The following TINAG variants were observed in gnomAD, a reference collection of about 807,000 sequenced individuals.
TINAG encodes the protein tubulointerstitial nephritis antigen.
In TINAG, 83 loss-of-function variants were observed where a neutral mutation model predicts 72.7. The observed-to-expected ratio is 1.14, with a 90% confidence interval of 0.96 to 1.37. The LOEUF is 1.37. Ranked by LOEUF, TINAG falls within the 40% of genes most tolerant of loss-of-function variation. The probability of loss-of-function intolerance (pLI) is 0.00; values close to 1 mark genes in which losing one functional copy is unlikely to be tolerated. For synonymous variants in TINAG, 234 were observed against 189.9 expected (o/e 1.23, Z -1.91); for missense variants, 685 against 576.6 (o/e 1.19, Z -1.93).
intron 9 of TINAG, among the ~76,000 whole-genome samples, chr6:54,371,999 T>TTTTTTTG (rs1763630443): frequency 7.0e-6 from 1 of 143,078 alleles, no homozygotes; most frequent in African/African-American, 2.6e-5. Flanking sequence ...TTTTTTTTTT[T>TTTTTTTG]TTTTTTTTTG....
At chr6:54,366,545 A>G (rs967711632) in intron 9 of TINAG, among the ~76,000 whole-genome samples, 6 of 151,328 alleles carry the variant, frequency 4.0e-5, no homozygotes, top group African/African-American at 1.2e-4. Flanking sequence ...GAATACAAAT[A>G]TCAATAGAAT....
Position 54,320,631 on chromosome 6 carries a change from C to G in TINAG, c.408C>G (p.Asn136Lys), listed in dbSNP as rs1784469390. ...HYEEGSVIKE[N>K]CNSCTCSGQQ... ...AAGAGGGATCAGTAATTAAAGAAAA[C>G]TGCAACTCCTGGTAATAAATTTAAG... Residue 136 changes from asparagine (N) to lysine (K), a missense_variant, in exon 2 of 11, where the codon AAC becomes AAG. Transcript: ENST00000259782. The G allele has an allele frequency of 1.2e-6, 2 of 1,607,862 alleles. No homozygotes were observed. The highest frequency in any genetic ancestry group is 4.5e-5 in the East Asian group (2 of 44,700).
Position 54,308,586 on chromosome 6 carries a change from T to G in TINAG, c.36T>G (p.Tyr12Ter). The G allele has an allele frequency of 6.2e-7, 1 of 1,613,074 alleles. No individual in the cohort carries two copies. The highest frequency in any genetic ancestry group is 1.1e-5 in the South Asian group (1 of 91,026). Residue 12 changes from tyrosine (Y) to a stop codon, truncating the protein, a stop_gained, in exon 1 of 11, where the codon TAT becomes TAG. Coordinates refer to ENST00000259782, the MANE Select transcript of TINAG (RefSeq NM_014464.4). LOFTEE classifies it high-confidence loss of function. The stretch of plus-strand genomic sequence containing the variant: ...GATATAAGATCTTAATCTTCTCTTA[T>G]CTTACTACAGAAATCTGGATGGAGA... ...WTGYKILIFSYLTTEIWMEKQ... is the reference protein window; with the variant it reads ...WTGYKILIFS
At chr6:54,380,185 C>G (rs897726755) in intron 9 of TINAG, among the ~76,000 whole-genome samples, 4 of 151,878 alleles carry the variant, frequency 2.6e-5, no homozygotes, top group African/African-American at 7.3e-5. Flanking sequence ...CATTGATGGG[C>G]ATTTGGGTTA....
rs542922537 is a variant in TINAG, at chr6:54,371,473, G to A, written c.1251-9053G>A. Reference sequence around the variant, plus strand: ...TTTTATTACTCTGAATGTATTTTCAGAATTAAAAAAATAGAATTTAGAATG... The same window carrying A: ...TTTTATTACTCTGAATGTATTTTCAAAATTAAAAAAATAGAATTTAGAATG... On this transcript the variant is annotated intron_variant, in intron 9 of 10. Coordinates refer to ENST00000259782, the MANE Select transcript of TINAG (RefSeq NM_014464.4). Among the ~76,000 whole-genome samples the A allele has an allele frequency of 2.0e-5, 3 of 151,260 alleles. No homozygotes were observed. The South Asian group carries it at 6.3e-4, about 32-fold the overall frequency.
intron 1 of TINAG, among the ~76,000 whole-genome samples, chr6:54,313,344 A>G (rs1445919118): frequency 6.6e-6 from 1 of 152,114 alleles, no homozygotes; most frequent in Non-Finnish European, 1.5e-5. Flanking sequence ...TAGTGACAAG[A>G]TTGGGCAGAC....
chr6:54,386,328 A>G (rs1212129507), intron 10 of TINAG, among the ~76,000 whole-genome samples: 1 of 152,196 alleles, frequency 6.6e-6, no homozygotes, highest in East Asian at 1.9e-4. Context: ...TGGGTCAGAA[A>G]TCCAGTGTAC....
At position 54,351,357 on chromosome 6, in the gene TINAG, T is replaced by A; in HGVS notation, c.1086T>A (p.Thr362=). ...SPPYRVSSNE[T]EIMKEIMQNG... ...ATTCATATTTTTCCATCCAGGAAACTGAGATAATGAAAGAAATCATGCAAA... is the reference window on the plus strand; with the variant it reads ...ATTCATATTTTTCCATCCAGGAAACAGAGATAATGAAAGAAATCATGCAAA... The change falls in exon 8 of 11, where the codon ACT becomes ACA. Residue 362 remains threonine (T), a synonymous_variant. Transcript: ENST00000259782. The A allele has an allele frequency of 1.9e-6, 3 of 1,609,910 alleles. No individual in the cohort carries two copies. Among genetic ancestry groups the A allele is most frequent in the South Asian group, 1.1e-5 (1 of 90,942 alleles).
chr6:54,346,326 T>C (rs905356261), intron 5 of TINAG, among the ~76,000 whole-genome samples: 5 of 151,908 alleles, frequency 3.3e-5, no homozygotes, highest in Admixed American at 2.0e-4. Context: ...TTAATAAATG[T>C]GTTGAGGAAA....
At chr6:54,380,437 G>A in intron 9 of TINAG, 89 bp from the exon 10 acceptor site, 1 of 1,086,822 alleles carries the variant, frequency 9.2e-7, no homozygotes, top group Non-Finnish European at 1.4e-6. Flanking sequence ...AAGCACAAAA[G>A]ATGTAGGAAT....
intron 4 of TINAG, among the ~76,000 whole-genome samples, chr6:54,332,987 G>A (rs901604033): frequency 6.6e-6 from 1 of 152,176 alleles, no homozygotes; most frequent in Non-Finnish European, 1.5e-5. Context: ...GAGAGGATGT[G>A]GAGAAATAGG....
intron 9 of TINAG, among the ~76,000 whole-genome samples, chr6:54,377,319 C>A (rs1186255425): frequency 1.3e-5 from 2 of 151,996 alleles, no homozygotes; most frequent in Admixed American, 1.3e-4. Flanking sequence ...CAAGACCAAC[C>A]TGGCCAACAT....
intron 9 of TINAG, among the ~76,000 whole-genome samples, chr6:54,370,473 A>G (rs1192284572): frequency 6.6e-6 from 1 of 152,102 alleles, no homozygotes; most frequent in Non-Finnish European, 1.5e-5. Context: ...AAATTATTTC[A>G]TTTATTTATA....
At chr6:54,330,082 G>C (rs1784701536) in intron 4 of TINAG, among the ~76,000 whole-genome samples, 1 of 151,918 alleles carries the variant, frequency 6.6e-6, no homozygotes, top group African/African-American at 2.4e-5. Flanking sequence ...AATTAACAAG[G>C]AGATTCAGGA....
At position 54,390,008 on chromosome 6, in the gene TINAG, T is replaced by C. The variant is rs1764203751; in HGVS notation, c.*83T>C. The C allele has an allele frequency of 6.5e-7, 1 of 1,532,740 alleles. No individual in the cohort carries two copies. Among genetic ancestry groups the C allele is most frequent in the South Asian group, 1.2e-5 (1 of 82,380 alleles). The allele number at this position is 1,532,740 out of a possible 1,614,324, so 94.9% of individuals were successfully genotyped here. A position where few individuals can be genotyped will look rare whatever the true frequency, so the allele number is the denominator to read the frequency against. On this transcript the variant is annotated 3_prime_UTR_variant, in exon 11 of 11. Transcript: ENST00000259782. ...AGCAATATGACATTCTTGGTGACAG[T>C]GGAATCTTTGTCTCTTCACCGTGTT...
intron 1 of TINAG, among the ~76,000 whole-genome samples, chr6:54,317,921 G>C (rs886267307): frequency 6.6e-6 from 1 of 152,026 alleles, no homozygotes; most frequent in Non-Finnish European, 1.5e-5. Context: ...ATATTCAGAT[G>C]TCTGTTTTTG....
chr6:54,327,188 T>A, intron 4 of TINAG: 2 of 1,541,690 alleles, frequency 1.3e-6, no homozygotes, highest in Admixed American at 2.0e-5. Context: ...ACAGCTCTGG[T>A]TGGCAGCTCC....
intron 3 of TINAG, among the ~76,000 whole-genome samples, chr6:54,325,225 C>T (rs970177223): frequency 5.9e-5 from 9 of 152,184 alleles, no homozygotes; most frequent in African/African-American, 1.9e-4. Flanking sequence ...TGATATATTG[C>T]TAACAAATGG....
At chr6:54,342,806 C>A (rs1390121744) in intron 4 of TINAG, among the ~76,000 whole-genome samples, 5 of 152,066 alleles carry the variant, frequency 3.3e-5, no homozygotes, top group Admixed American at 3.3e-4. Context: ...ATAAATGCAC[C>A]CTTTCAAAAT....
Sources: allele counts gnomAD v4.1 joint callset (sites outside exome capture counted in the v4.1 genomes callset), GRCh38; gene constraint gnomAD v4.1.1; transcripts MANE v1.5; gene names NCBI Gene and HGNC (gene_info 2026-07-23, HGNC 2026-07-21).